Variants in PIK3C2G observed in about 807,000 individuals in gnomAD.
PIK3C2G encodes the protein phosphatidylinositol 3-kinase C2 domain-containing subunit gamma.
Under a neutral mutation model 181.1 loss-of-function variants are expected in PIK3C2G, and 168 were observed. That is an observed-to-expected ratio of 0.93 (90% CI 0.82 to 1.05). The LOEUF is 1.05. PIK3C2G is among the 50% of genes least tolerant of loss of function. The pLI, the probability that PIK3C2G is intolerant of heterozygous loss-of-function variation, is 0.00. For missense variants in PIK3C2G, 1,869 were observed against 1,732.8 expected (o/e 1.08, Z -1.40); for synonymous variants, 573 against 592.2 (o/e 0.97, Z 0.47).
intron 2 of PIK3C2G, among the ~76,000 whole-genome samples, chr12:18,283,098 G>A (rs377693233): frequency 1.5e-3 from 233 of 152,106 alleles, no homozygotes; most frequent in African/African-American, 5.4e-3. Context: ...TTTGTTTAAT[G>A]CACATACACA....
At chr12:18,316,792 T>G (rs180968772) in intron 6 of PIK3C2G, among the ~76,000 whole-genome samples, 1 of 152,010 alleles carries the variant, frequency 6.6e-6, no homozygotes, top group Non-Finnish European at 1.5e-5. Flanking sequence ...TATTTGTATA[T>G]TTGTATATCC....
rs1344617954 is a variant in PIK3C2G, at chr12:18,506,339, G to A, written c.3323+878G>A. On this transcript the variant is annotated intron_variant, in intron 24 of 32. Transcript: ENST00000538779. ...GTAGGGCACAGAGGGCATATAGAGT[G>A]TGGCTTTTATTTTTTAAGTTCAGGA... 2.6e-5 allele frequency among the ~76,000 whole-genome samples: 4 copies of A among 152,244 alleles called. No individual in the cohort carries two copies. The East Asian group carries it at 7.7e-4, about 29-fold the overall frequency.
chr12:18,298,693 G>C (rs947191541), intron 5 of PIK3C2G, among the ~76,000 whole-genome samples: 1 of 151,712 alleles, frequency 6.6e-6, no homozygotes, highest in Non-Finnish European at 1.5e-5. Flanking sequence ...TTAGGTTTAA[G>C]TCTTTAATGT....
At chr12:18,610,076 ACT>A (rs1309503463) in intron 31 of PIK3C2G, among the ~76,000 whole-genome samples, 1 of 152,006 alleles carries the variant, frequency 6.6e-6, no homozygotes, top group Admixed American at 6.6e-5. Context: ...TAAAAGTTCC[ACT>A]CTCTATTACA....
At chr12:18,715,026 T>C in the PIK3C2G span, 2 of 151,742 alleles carry the variant, frequency 1.3e-5, no homozygotes, top group African/African-American at 4.8e-5. Flanking sequence ...TAGTTCTTCT[T>C]TGGCGATCAT....
intron 30 of PIK3C2G, among the ~76,000 whole-genome samples, chr12:18,599,332 G>A (rs1468892611): frequency 6.6e-6 from 1 of 151,858 alleles, no homozygotes; most frequent in African/African-American, 2.4e-5. Context: ...AAAATGATGA[G>A]TTCATGTCCT....
the PIK3C2G span, among the ~76,000 whole-genome samples, chr12:18,674,509 G>GAGCA: frequency 6.6e-6 from 1 of 152,150 alleles, no homozygotes; most frequent in Non-Finnish European, 1.5e-5. Context: ...GCAAATACAT[G>GAGCA]AATGTCCTCC....
At chr12:18,721,381 T>G in the PIK3C2G span, among the ~76,000 whole-genome samples, 1,810 of 152,084 alleles carry the variant, frequency 0.012, 30 homozygotes, top group African/African-American at 0.04. Context: ...TGATCAATAA[T>G]CATGTAAATG....
chr12:18,280,334 T>C (rs1949157695), intron 1 of PIK3C2G, among the ~76,000 whole-genome samples: 1 of 152,128 alleles, frequency 6.6e-6, no homozygotes, highest in East Asian at 1.9e-4. Flanking sequence ...TAATTATTAG[T>C]CCCAATAAGA....
chr12:18,256,372 T>G (rs573940007), intron 1 of PIK3C2G, among the ~76,000 whole-genome samples: 1 of 152,246 alleles, frequency 6.6e-6, no homozygotes, highest in South Asian at 2.1e-4. Context: ...GCAGACTATC[T>G]TCTTTTATTT....
chr12:18,495,623 C>G (rs993262205), intron 20 of PIK3C2G, among the ~76,000 whole-genome samples: 4 of 152,082 alleles, frequency 2.6e-5, no homozygotes, highest in Admixed American at 2.0e-4. Context: ...TGAACTCAAG[C>G]CTTTCTTAAC....
intron 16 of PIK3C2G, among the ~76,000 whole-genome samples, chr12:18,412,506 A>T (rs772470842): frequency 2.0e-5 from 3 of 152,170 alleles, no homozygotes; most frequent in Non-Finnish European, 4.4e-5. Flanking sequence ...TCTTTCATTA[A>T]GCCACATATT....
At chr12:18,711,529 T>TATAATAATAATAATA in the PIK3C2G span, among the ~76,000 whole-genome samples, 823 of 142,444 alleles carry the variant, frequency 5.8e-3, no homozygotes, top group African/African-American at 8.8e-3. Flanking sequence ...AAACTTAAAG[T>TATAATAATAATAATA]ATAATAATAA....
At chr12:18,546,250 A>T in intron 25 of PIK3C2G, 73 bp from the exon 26 acceptor site, 1 of 914,654 alleles carries the variant, frequency 1.1e-6, no homozygotes, top group South Asian at 1.5e-5. Flanking sequence ...GGGTAGAATT[A>T]ATCAAGTAAG....
At chr12:18,339,908 C>A (rs1304094408) in intron 9 of PIK3C2G, among the ~76,000 whole-genome samples, 1 of 151,910 alleles carries the variant, frequency 6.6e-6, no homozygotes, top group Non-Finnish European at 1.5e-5. Context: ...CTAAAGAAAT[C>A]AAAATTTAAA....
intron 5 of PIK3C2G, among the ~76,000 whole-genome samples, chr12:18,302,725 C>T (rs1449131395): frequency 6.6e-6 from 1 of 152,088 alleles, no homozygotes; most frequent in Non-Finnish European, 1.5e-5. Flanking sequence ...AGGACCTGGG[C>T]AGTGTAGTTG....
chr12:18,522,162 G>T (rs1942963154), intron 24 of PIK3C2G, among the ~76,000 whole-genome samples: 1 of 152,214 alleles, frequency 6.6e-6, no homozygotes, highest in Non-Finnish European at 1.5e-5. Context: ...GGAAGCCTCT[G>T]ATAGCTGCTG....
intron 18 of PIK3C2G, chr12:18,424,973 C>T: frequency 5.3e-6 from 1 of 190,098 alleles, no homozygotes; most frequent in Admixed American, 4.9e-5. Context: ...GGAAATGGGT[C>T]CTGATGAATA....
chr12:18,537,230 T>C (rs1943908454), intron 24 of PIK3C2G, among the ~76,000 whole-genome samples: 1 of 152,130 alleles, frequency 6.6e-6, no homozygotes, highest in Non-Finnish European at 1.5e-5. Flanking sequence ...AATTATGTTT[T>C]ATTATTTAAA....
Sources: gnomAD v4.1 joint callset for allele counts (sites outside exome capture counted in the v4.1 genomes callset) on GRCh38, gnomAD v4.1.1 for gene constraint, MANE v1.5 for transcripts, NCBI Gene and HGNC (gene_info 2026-07-23, HGNC 2026-07-21) for gene names.